SND1: variants seen among roughly 807,000 people sequenced by gnomAD.
The protein encoded by SND1 is staphylococcal nuclease domain-containing protein 1.
A neutral mutation model predicts 121.7 loss-of-function variants in SND1; 38 were observed. The ratio of observed to expected loss-of-function variants is 0.31; its 90% CI spans 0.24 to 0.41. SND1 has a LOEUF of 0.41. Ranked by LOEUF, SND1 falls within the 10% of genes least tolerant of loss-of-function variation. The pLI is 1.00. For missense variants in SND1, 868 were observed against 1,184.6 expected, an observed-to-expected ratio of 0.73 and a Z score of 3.92; for synonymous variants, 401 against 447.4, an observed-to-expected ratio of 0.90 and a Z score of 1.31.
chr7:127,712,288 A>G (rs1454993043), intron 9 of SND1, among the ~76,000 whole-genome samples: 1 of 152,066 alleles, frequency 6.6e-6, no homozygotes, highest in Non-Finnish European at 1.5e-5. Context: ...CCTCCCGAAT[A>G]GCTGGGACTA....
chr7:128,029,229 C>T lies in SND1; in HGVS notation c.1779+38173C>T, dbSNP rs774924951. ...CGTGGTAGGAACAGGCTTGTACTTTCGCGTTGTGTCCTCAGGCGAGATCTC... is the reference window on the plus strand; with the variant it reads ...CGTGGTAGGAACAGGCTTGTACTTTTGCGTTGTGTCCTCAGGCGAGATCTC... On this transcript the variant is annotated intron_variant, in intron 16 of 23. Transcript: ENST00000354725. This position sits in a 1 kb window ranked among gnomAD's most constrained non-coding sequence, Gnocchi z 4.2. 1 of 1,614,034 alleles carries T rather than the reference C, an allele frequency of 6.2e-7. No individual in the cohort carries two copies. The highest frequency in any genetic ancestry group is 2.2e-5 in the East Asian group (1 of 44,870).
At chr7:127,677,526 C>T (rs1345858207) in intron 1 of SND1, among the ~76,000 whole-genome samples, 1 of 152,184 alleles carries the variant, frequency 6.6e-6, no homozygotes, top group Non-Finnish European at 1.5e-5. Flanking sequence ...ATCTCACTCG[C>T]TTGTCATAAT....
At chr7:127,730,453 C>G (rs1356416066) in intron 10 of SND1, among the ~76,000 whole-genome samples, 3 of 152,192 alleles carry the variant, frequency 2.0e-5, no homozygotes, top group Non-Finnish European at 1.5e-5. Flanking sequence ...TTTCATTTCT[C>G]TGCTAGAAGC....
At chr7:127,737,774 T>A in intron 10 of SND1, among the ~76,000 whole-genome samples, 1 of 152,204 alleles carries the variant, frequency 6.6e-6, no homozygotes, top group East Asian at 1.9e-4. Flanking sequence ...GTATTTCTTT[T>A]GAGTATTATG....
At chr7:127,740,390 A>G (rs978301669) in intron 10 of SND1, among the ~76,000 whole-genome samples, 1 of 152,182 alleles carries the variant, frequency 6.6e-6, no homozygotes, top group Non-Finnish European at 1.5e-5. Context: ...GAAATAAAAG[A>G]CTAATGAGAA....
intron 16 of SND1, among the ~76,000 whole-genome samples, chr7:128,065,162 T>A (rs1345750700): frequency 6.6e-6 from 1 of 152,070 alleles, no homozygotes; most frequent in Non-Finnish European, 1.5e-5. Flanking sequence ...CAGAAAGAGG[T>A]AACTGATGGA....
At chr7:128,062,391 G>A (rs546410128) in intron 16 of SND1, among the ~76,000 whole-genome samples, 5 of 152,198 alleles carry the variant, frequency 3.3e-5, no homozygotes, top group Admixed American at 1.3e-4. Context: ...TAAAAGAGGC[G>A]TGAGGACAAA....
chr7:127,701,300 C>T lies in SND1; in HGVS notation c.566C>T (p.Ser189Leu), dbSNP rs34667910. ...TIENPRHFVDSHHQKPVNAII... is the reference protein window; with the variant it reads ...TIENPRHFVDLHHQKPVNAII... ...GAAAACCCAAGGCACTTTGTGGACT[C>T]ACACCACCAGAAGCCTGTTAATGGT... Residue 189 changes from serine to leucine, a missense_variant, in exon 5 of 24, where the codon TCA becomes TTA. By Grantham distance (145) the Ser-to-Leu change is moderately radical. Coordinates refer to ENST00000354725, the MANE Select transcript of SND1 (RefSeq NM_014390.4). 2 of 1,613,902 alleles carry T rather than the reference C, an allele frequency of 1.2e-6. No individual in the cohort carries two copies. The highest frequency in any genetic ancestry group is 1.7e-6 in the Non-Finnish European group (2 of 1,179,946).
intron 12 of SND1, among the ~76,000 whole-genome samples, chr7:127,869,331 A>G (rs1563041746): frequency 6.6e-6 from 1 of 152,044 alleles, no homozygotes; most frequent in African/African-American, 2.4e-5. Context: ...GAAGGAGGGA[A>G]TGGGGACAGC....
At chr7:128,060,414 C>T (rs1793211672) in intron 16 of SND1, among the ~76,000 whole-genome samples, 1 of 152,198 alleles carries the variant, frequency 6.6e-6, no homozygotes, top group Non-Finnish European at 1.5e-5. Context: ...ATTGAATATG[C>T]TCTCTCTTTG....
intron 14 of SND1, among the ~76,000 whole-genome samples, chr7:127,917,680 C>T (rs370957844): frequency 6.6e-6 from 1 of 152,186 alleles, no homozygotes; most frequent in Non-Finnish European, 1.5e-5. Context: ...ACCTGGGCCT[C>T]CCAAAGTGCT....
chr7:127,673,008 A>C (rs1795549822), intron 1 of SND1, among the ~76,000 whole-genome samples: 1 of 152,024 alleles, frequency 6.6e-6, no homozygotes, highest in Admixed American at 6.6e-5. Flanking sequence ...AGGTTTCCTC[A>C]GTGTAATTTT....
chr7:127,652,541 C>T (rs1795140673), intron 1 of SND1, 90 bp downstream of exon 1: 10 of 1,072,068 alleles, frequency 9.3e-6, no homozygotes, highest in Non-Finnish European at 1.3e-5. Flanking sequence ...TGCTCCATGT[C>T]CCAGATCCCC....
chr7:127,873,792 C>T lies in SND1; in HGVS notation c.1344-14110C>T, dbSNP rs141342840. 9.0e-4 allele frequency among the ~76,000 whole-genome samples: 137 copies of T among 152,234 alleles called. 2 individuals are homozygous for T. The highest frequency in any genetic ancestry group is 3.2e-3 in the African/African-American group (134 of 41,546). On this transcript the variant is annotated intron_variant, in intron 12 of 23. Transcript: ENST00000354725. ...TCCCAAGTAGTTGGGACTATAGGCA[C>T]ATGCCACCACACCCAGCTGGACTTT...
chr7:127,799,706 C>T (rs183046570), intron 10 of SND1, among the ~76,000 whole-genome samples: 210 of 152,274 alleles, frequency 1.4e-3, no homozygotes, highest in African/African-American at 4.4e-3. Context: ...AAATGTATTG[C>T]GTTGCTGTGA....
Position 127,721,505 on chromosome 7 carries a change from A to T in SND1, c.1152+105A>T, listed in dbSNP as rs939690410. On this transcript the variant is annotated intron_variant, in intron 10 of 23. Transcript: ENST00000354725. ...ATAATACATATATGTGGGAATGCAA[A>T]GGGACAAGTATTTTAAATCTCCACA... 8.5e-6 allele frequency: 5 copies of T among 589,356 alleles called. No individual in the cohort carries two copies. In the African/African-American group the frequency reaches 9.7e-5, roughly 11 times the overall value. 36.5% of individuals were successfully genotyped at this position (589,356 alleles called of 1,614,324 possible). A position where few individuals can be genotyped will look rare whatever the true frequency, so the allele number is the denominator to read the frequency against.
intron 15 of SND1, among the ~76,000 whole-genome samples, chr7:127,948,544 A>G (rs1242404294): frequency 6.6e-6 from 1 of 152,236 alleles, no homozygotes; most frequent in East Asian, 1.9e-4. Context: ...CTAATTGGAT[A>G]ACAGAGCTCA....
At chr7:127,653,172 C>T (rs1325419786) in intron 1 of SND1, among the ~76,000 whole-genome samples, 5 of 152,188 alleles carry the variant, frequency 3.3e-5, no homozygotes, top group Admixed American at 2.6e-4. Context: ...GCTCATAGCA[C>T]TATAGATTCT....
chr7:127,959,454 G>T (rs1202073663), intron 15 of SND1, among the ~76,000 whole-genome samples: 2 of 152,136 alleles, frequency 1.3e-5, no homozygotes, highest in Non-Finnish European at 2.9e-5. Context: ...TGGAAGTGTG[G>T]CCTGTCTTCC....
Sources: allele counts gnomAD v4.1 joint callset (sites outside exome capture counted in the v4.1 genomes callset), GRCh38; gene constraint gnomAD v4.1.1; non-coding constraint Gnocchi (gnomAD v3.1); transcripts MANE v1.5; gene names NCBI Gene and HGNC (gene_info 2026-07-23, HGNC 2026-07-21).